GABRA4: variants seen among roughly 807,000 people sequenced by gnomAD.
GABRA4 encodes gamma-aminobutyric acid type A receptor subunit alpha4, also known as gamma-aminobutyric acid receptor subunit alpha-4.
GABRA4 carries 12 observed loss-of-function variants against 49.7 expected under a neutral mutation model. That is an observed-to-expected ratio of 0.24 (90% CI 0.15 to 0.39). The LOEUF (loss-of-function observed/expected upper bound fraction) is 0.39, where lower values mean the gene tolerates loss of function less well. Ranked by LOEUF, GABRA4 falls within the 10% of genes least tolerant of loss-of-function variation. The probability of loss-of-function intolerance (pLI) is 1.00; values close to 1 mark genes in which losing one functional copy is unlikely to be tolerated. For synonymous variants in GABRA4, 288 were observed against 240.2 expected (o/e 1.20, Z -1.84); for missense variants, 506 against 686.0 (o/e 0.74, Z 2.93).
At chr4:46,988,076 T>G (rs1042530190) in intron 2 of GABRA4, among the ~76,000 whole-genome samples, 1 of 152,152 alleles carries the variant, frequency 6.6e-6, no homozygotes, top group Non-Finnish European at 1.5e-5. Context: ...ACCTTTGCAC[T>G]TAATTGCTTT....
At chr4:46,958,813 A>G (rs1722458107) in intron 8 of GABRA4, among the ~76,000 whole-genome samples, 1 of 151,964 alleles carries the variant, frequency 6.6e-6, no homozygotes, top group South Asian at 2.1e-4. Flanking sequence ...ACAACAGTCC[A>G]TAGGTCACAT....
At chr4:46,954,582 A>T (rs903074382) in intron 8 of GABRA4, among the ~76,000 whole-genome samples, 1 of 151,792 alleles carries the variant, frequency 6.6e-6, no homozygotes, top group African/African-American at 2.4e-5. Flanking sequence ...AAGAGTGCAG[A>T]GCAAACTTGC....
At chr4:46,969,888 C>A (rs1332417091) in intron 7 of GABRA4, among the ~76,000 whole-genome samples, 2 of 151,152 alleles carry the variant, frequency 1.3e-5, no homozygotes, top group African/African-American at 2.4e-5. Flanking sequence ...TTAATTGAAC[C>A]CTTATAACTC....
intron 2 of GABRA4, among the ~76,000 whole-genome samples, chr4:46,991,970 G>A (rs1723762998): frequency 6.6e-6 from 1 of 152,192 alleles, no homozygotes. Context: ...CAGGGACTTT[G>A]AGATCAAAGG....
intron 8 of GABRA4, among the ~76,000 whole-genome samples, chr4:46,955,023 T>C (rs1722293187): frequency 6.6e-6 from 1 of 152,176 alleles, no homozygotes; most frequent in Non-Finnish European, 1.5e-5. Flanking sequence ...GCACAGTATG[T>C]AGCACATAGT....
At chr4:46,936,410 C>A (rs545692690) in intron 8 of GABRA4, among the ~76,000 whole-genome samples, 1 of 152,204 alleles carries the variant, frequency 6.6e-6, no homozygotes, top group East Asian at 1.9e-4. Context: ...CCACCACACC[C>A]GGCTAATTTT....
rs541763731 is a variant in GABRA4, at chr4:46,935,743, G to A, written c.1135-6988C>T. Among the ~76,000 whole-genome samples the A allele has an allele frequency of 1.1e-4, 17 of 152,118 alleles. No individual in the cohort carries two copies. The East Asian group carries it at 1.2e-3, about 10-fold the overall frequency. On this transcript the variant is annotated intron_variant, in intron 8 of 8. Transcript: ENST00000264318. The stretch of plus-strand genomic sequence containing the variant: ...GATGACGGGTTGATGGGTGCAGCAC[G>A]CCACCATGGCACGTGTATACCTATG...
intron 8 of GABRA4, among the ~76,000 whole-genome samples, chr4:46,946,843 T>C (rs563720646): frequency 6.6e-6 from 1 of 152,194 alleles, no homozygotes; most frequent in Admixed American, 6.5e-5. Context: ...AAAGCAATAA[T>C]AAAAGTGCAG....
chr4:46,978,995 G>C (rs774106175), intron 3 of GABRA4, 36 bp downstream of exon 3: 2 of 1,363,690 alleles, frequency 1.5e-6, no homozygotes, highest in Non-Finnish European at 2.1e-6. Flanking sequence ...TTTTCTTCAA[G>C]TCTCAAAAGG....
rs746001490 is a variant in GABRA4, at chr4:46,922,443, C to T, written c.*5782G>A. 6.6e-6 allele frequency: 1 copy of T among 151,998 alleles called. No individual in the cohort carries two copies. The highest frequency in any genetic ancestry group is 1.5e-5 in the Non-Finnish European group (1 of 68,012). The allele number at this position is 151,998 out of a possible 1,614,324, so 9.4% of individuals were successfully genotyped here. On this transcript the variant is annotated 3_prime_UTR_variant, in exon 9 of 9. Transcript: ENST00000264318. ...CTGCTCAGTGATTAATAGAAAGAAA[C>T]CAGCCCCAAAAATAGGCAAGGGAGA...
At chr4:46,932,205 T>G (rs924592625) in intron 8 of GABRA4, among the ~76,000 whole-genome samples, 2 of 152,078 alleles carry the variant, frequency 1.3e-5, no homozygotes, top group African/African-American at 4.8e-5. Context: ...GACCAACATA[T>G]TTTGCCCTTC....
intron 6 of GABRA4, 134 bp from the exon 7 acceptor site, chr4:46,971,369 T>C: frequency 1.3e-6 from 1 of 741,888 alleles, no homozygotes; most frequent in South Asian, 1.6e-5. Context: ...TACACAAACA[T>C]CAATAAGTAT....
At position 46,971,216 on chromosome 4, in the gene GABRA4, C is replaced by T; in HGVS notation, c.741G>A (p.Thr247=). The part of the protein sequence containing the change: ...KSITGEYIVM[T]VYFHLRRKMG... ...TCTTCCGTCTGAGGTGGAAGTAAACCGTCATAACAATATATTCACCTGCCA... is the reference window on the plus strand; with the variant it reads ...TCTTCCGTCTGAGGTGGAAGTAAACTGTCATAACAATATATTCACCTGCCA... The change falls in exon 7 of 9, where the codon ACG becomes ACA. Residue 247 remains threonine, a synonymous_variant. Transcript: ENST00000264318. The T allele has an allele frequency of 6.2e-7, 1 of 1,609,420 alleles. No individual in the cohort carries two copies. Among genetic ancestry groups the T allele is most frequent in the Non-Finnish European group, 8.5e-7 (1 of 1,176,886 alleles).
intron 8 of GABRA4, among the ~76,000 whole-genome samples, chr4:46,959,081 T>C (rs1448867016): frequency 6.6e-6 from 1 of 152,014 alleles, no homozygotes; most frequent in Non-Finnish European, 1.5e-5. Flanking sequence ...TAGTTATACG[T>C]TGTAACATTT....
chr4:46,963,929 A>G (rs1274287581), intron 8 of GABRA4, among the ~76,000 whole-genome samples: 1 of 151,902 alleles, frequency 6.6e-6, no homozygotes, highest in Non-Finnish European at 1.5e-5. Context: ...AAAAGAAAGG[A>G]AATCAGTATA....
intron 8 of GABRA4, 54 bp from the exon 9 acceptor site, chr4:46,928,809 A>G (rs1721332026): frequency 7.9e-7 from 1 of 1,266,774 alleles, no homozygotes; most frequent in Admixed American, 2.3e-5. Flanking sequence ...GCAGATTTGT[A>G]CAAAATTTAA....
intron 8 of GABRA4, among the ~76,000 whole-genome samples, chr4:46,947,575 A>AG (rs1722024280): frequency 6.6e-6 from 1 of 151,954 alleles, no homozygotes; most frequent in Non-Finnish European, 1.5e-5. Flanking sequence ...AAAAGGCGCA[A>AG]AAAAGGAAGG....
chr4:46,977,775 A>G (rs897465210), intron 3 of GABRA4, 145 bp from the exon 4 acceptor site: 1 of 524,312 alleles, frequency 1.9e-6, no homozygotes, highest in African/African-American at 2.0e-5. Flanking sequence ...ATGATCTTGA[A>G]TCAATGGAGC....
At position 46,928,406 on chromosome 4, in the gene GABRA4, G is replaced by A. The variant is rs375084799; in HGVS notation, c.1484C>T (p.Ala495Val). 4.3e-6 allele frequency: 7 copies of A among 1,613,544 alleles called. No homozygotes were observed. In the African/African-American group the frequency reaches 9.3e-5, roughly 22 times the overall value. ...AGGAGTAGCTGACAACTTCCCAGTAGCCCCTATGGTATTAACTGTGGTCTT... is the reference window on the plus strand; with the variant it reads ...AGGAGTAGCTGACAACTTCCCAGTAACCCCTATGGTATTAACTGTGGTCTT... The part of the protein sequence containing the change: ...RIKTTVNTIG[A>V]TGKLSATPPP... Residue 495 changes from alanine to valine, a missense_variant, in exon 9 of 9, where the codon GCT becomes GTT. Transcript: ENST00000264318.
Sources: gnomAD v4.1 joint callset for allele counts (sites outside exome capture counted in the v4.1 genomes callset) on GRCh38, gnomAD v4.1.1 for gene constraint, MANE v1.5 for transcripts, NCBI Gene and HGNC (gene_info 2026-07-23, HGNC 2026-07-21) for gene names.